Variants in PRKAA2 observed in about 807,000 individuals in gnomAD.
PRKAA2 encodes the protein protein kinase AMP-activated catalytic subunit alpha 2, also known as 5'-AMP-activated protein kinase catalytic subunit alpha-2.
In PRKAA2, 40 loss-of-function variants were observed where a neutral mutation model predicts 56.3. That is an observed-to-expected ratio of 0.71 (90% confidence interval 0.55 to 0.92). PRKAA2 has a LOEUF of 0.92. PRKAA2 is among the 40% of genes least tolerant of loss of function. PRKAA2 has a pLI of 0.00. For missense variants in PRKAA2, 542 were observed against 686.9 expected (o/e 0.79, Z 2.36); for synonymous variants, 214 against 234.2 (o/e 0.91, Z 0.79).
At chr1:56,703,282 G>A (rs1207644762) in intron 6 of PRKAA2, among the ~76,000 whole-genome samples, 1 of 151,952 alleles carries the variant, frequency 6.6e-6, no homozygotes, top group Non-Finnish European at 1.5e-5. Flanking sequence ...TACTACATTA[G>A]AATTAAAACT....
intron 2 of PRKAA2, 99 bp downstream of exon 2, chr1:56,674,621 A>AT (rs986537255): frequency 3.1e-5 from 34 of 1,080,780 alleles, no homozygotes; most frequent in Admixed American, 8.9e-5. Flanking sequence ...TTTTACAAAG[A>AT]TTTTTTTTCA....
At chr1:56,671,557 A>T (rs1364074402) in intron 1 of PRKAA2, 1 of 152,246 alleles carries the variant, frequency 6.6e-6, no homozygotes, top group East Asian at 1.9e-4. Flanking sequence ...TTTGTTTTAT[A>T]TGCTGAGAAA....
intron 2 of PRKAA2, among the ~76,000 whole-genome samples, chr1:56,690,200 G>T (rs889426359): frequency 2.8e-5 from 4 of 141,736 alleles, no homozygotes; most frequent in African/African-American, 1.1e-4. Context: ...GTCTCGCTCT[G>T]TTGCCCATGC....
intron 6 of PRKAA2, among the ~76,000 whole-genome samples, chr1:56,697,084 A>G (rs1454062278): frequency 7.8e-6 from 1 of 128,370 alleles, no homozygotes; most frequent in Non-Finnish European, 1.6e-5. Context: ...ATCACAGCTC[A>G]CTGTAGGTAG....
At chr1:56,694,504 T>C (rs964578274) in intron 5 of PRKAA2, among the ~76,000 whole-genome samples, 1 of 152,138 alleles carries the variant, frequency 6.6e-6, no homozygotes, top group Non-Finnish European at 1.5e-5. Flanking sequence ...ATAAGAAAGA[T>C]ACAATAAAGG....
rs1644234349 is a variant in PRKAA2, at chr1:56,692,432, T to G, written c.405T>G (p.Val135=). Residue 135 remains valine, a synonymous_variant, in exon 4 of 9, where the codon GTT becomes GTG. Transcript: ENST00000371244. ...TGGATTACTGTCATAGGCATATGGT[T>G]GTTCATCGAGACCTGAAACCAGAGA... is the stretch of plus-strand genomic sequence containing the variant. ...SAVDYCHRHM[V]VHRDLKPENV... is the part of the protein sequence containing the mutation. 2 of 1,614,166 alleles carry G rather than the reference T, an allele frequency of 1.2e-6. No individual in the cohort carries two copies. Among genetic ancestry groups the G allele is most frequent in the Non-Finnish European group, 1.7e-6 (2 of 1,179,998 alleles).
intron 2 of PRKAA2, among the ~76,000 whole-genome samples, chr1:56,686,958 T>A (rs1395590637): frequency 1.3e-5 from 2 of 151,064 alleles, no homozygotes; most frequent in South Asian, 2.1e-4. Context: ...GATCTCAGCT[T>A]ACCGCAACCT....
intron 1 of PRKAA2, among the ~76,000 whole-genome samples, chr1:56,654,752 T>G (rs550391018): frequency 8.5e-5 from 13 of 152,286 alleles, no homozygotes; most frequent in African/African-American, 2.9e-4. Flanking sequence ...AATAGAAGCC[T>G]TCTTCACCCC....
intron 1 of PRKAA2, among the ~76,000 whole-genome samples, chr1:56,671,834 A>G (rs746302661): frequency 2.0e-5 from 3 of 152,140 alleles, no homozygotes; most frequent in African/African-American, 4.8e-5. Context: ...TCATCTATAC[A>G]CTGGAGGGTA....
chr1:56,655,280 A>ATATAT, intron 1 of PRKAA2, among the ~76,000 whole-genome samples: 9 of 93,654 alleles, frequency 9.6e-5, no homozygotes, highest in East Asian at 4.7e-4. Context: ...ATATATATAT[A>ATATAT]TTTTTTTTTT....
chr1:56,673,153 C>A (rs1644089857), intron 1 of PRKAA2, among the ~76,000 whole-genome samples: 1 of 152,064 alleles, frequency 6.6e-6, no homozygotes, highest in Non-Finnish European at 1.5e-5. Flanking sequence ...AGGAGGATCA[C>A]TTGAGCCCAG....
chr1:56,688,312 G>T (rs1644205717), intron 2 of PRKAA2, among the ~76,000 whole-genome samples: 1 of 152,016 alleles, frequency 6.6e-6, no homozygotes, highest in South Asian at 2.1e-4. Context: ...TCTGGTTTTG[G>T]CTCTAAGCAC....
chr1:56,657,124 T>G (rs1439776481), intron 1 of PRKAA2, among the ~76,000 whole-genome samples: 1 of 152,206 alleles, frequency 6.6e-6, no homozygotes, highest in Non-Finnish European at 1.5e-5. Flanking sequence ...TTCCCTTTTC[T>G]TGAGCCTCCC....
chr1:56,692,533 A>G (rs1260925662), intron 4 of PRKAA2, 31 bp downstream of exon 4: 11 of 1,600,910 alleles, frequency 6.9e-6, no homozygotes, highest in Non-Finnish European at 8.5e-6. Flanking sequence ...TCAGAAAGGT[A>G]CTAGCTACCT....
intron 1 of PRKAA2, among the ~76,000 whole-genome samples, chr1:56,653,442 A>G (rs1373004046): frequency 3.3e-5 from 5 of 152,088 alleles, no homozygotes; most frequent in Admixed American, 3.3e-4. Flanking sequence ...CTGATGTAGT[A>G]TAAATACTCT....
At chr1:56,705,745 C>A (rs908254586) in intron 7 of PRKAA2, among the ~76,000 whole-genome samples, 1 of 152,180 alleles carries the variant, frequency 6.6e-6, no homozygotes, top group Non-Finnish European at 1.5e-5. Context: ...CATGTTCAGG[C>A]AGAGACTGGA....
chr1:56,675,853 G>A (rs1557551028), intron 2 of PRKAA2, among the ~76,000 whole-genome samples: 1 of 152,124 alleles, frequency 6.6e-6, no homozygotes, highest in Non-Finnish European at 1.5e-5. Flanking sequence ...CATTGTTAGA[G>A]AGTTTAATAG....
At chr1:56,697,577 TTC>T (rs1233573619) in intron 6 of PRKAA2, among the ~76,000 whole-genome samples, 1 of 152,172 alleles carries the variant, frequency 6.6e-6, no homozygotes, top group East Asian at 1.9e-4. Flanking sequence ...GTGTTTATAG[TTC>T]TTTAGCATAT....
chr1:56,698,796 G>A (rs374845902), intron 6 of PRKAA2, among the ~76,000 whole-genome samples: 4 of 152,010 alleles, frequency 2.6e-5, no homozygotes, highest in East Asian at 3.9e-4. Flanking sequence ...AACCATTTTC[G>A]CTTTTATTCA....
Sources: allele counts gnomAD v4.1 joint callset (sites outside exome capture counted in the v4.1 genomes callset), GRCh38; gene constraint gnomAD v4.1.1; transcripts MANE v1.5; gene names NCBI Gene and HGNC (gene_info 2026-07-23, HGNC 2026-07-21).